LRP1B: variants seen among roughly 807,000 people sequenced by gnomAD.
LRP1B encodes the protein low-density lipoprotein receptor-related protein 1B.
Under a neutral mutation model 556.6 loss-of-function variants are expected in LRP1B, and 217 were observed. The observed-to-expected ratio is 0.39, with a 90% CI of 0.35 to 0.44. LRP1B has a LOEUF of 0.44. Ranked by LOEUF, LRP1B falls within the 20% of genes least tolerant of loss-of-function variation. LRP1B has a pLI of 1.00. For synonymous variants in LRP1B, 2,047 were observed against 1,865.8 expected, an observed-to-expected ratio of 1.10 and a Z score of -2.50; for missense variants, 5,053 against 5,620.8, an observed-to-expected ratio of 0.90 and a Z score of 3.23.
At chr2:140,499,765 GT>G in intron 55 of LRP1B, among the ~76,000 whole-genome samples, 1 of 151,968 alleles carries the variant, frequency 6.6e-6, no homozygotes, top group African/African-American at 2.4e-5. Flanking sequence ...ATTTAAAAAT[GT>G]TTAGAAAAGG....
At chr2:140,617,017 T>C (rs1202899504) in intron 41 of LRP1B, among the ~76,000 whole-genome samples, 1 of 151,944 alleles carries the variant, frequency 6.6e-6, no homozygotes, top group East Asian at 1.9e-4. Context: ...CATGTGCTAA[T>C]TCCAATTTAC....
intron 3 of LRP1B, among the ~76,000 whole-genome samples, chr2:141,274,595 T>C (rs139671173): frequency 6.6e-6 from 1 of 152,202 alleles, no homozygotes; most frequent in South Asian, 2.1e-4. Flanking sequence ...ATGGCTATTT[T>C]TGGCATAATG....
chr2:141,754,731 C>T (rs896893686), intron 2 of LRP1B, among the ~76,000 whole-genome samples: 5 of 152,040 alleles, frequency 3.3e-5, no homozygotes, highest in South Asian at 2.1e-4. Flanking sequence ...TTGGACTAGA[C>T]GAAAATGTCA....
At position 140,465,484 on chromosome 2, in the gene LRP1B, A is replaced by G. The variant is rs78090419; in HGVS notation, c.9626-7833T>C. Reference sequence around the variant, plus strand: ...TGTTAGAGAATCACTGAATGAATAGAAGCCCTATTCTATGAATAAGAACAA... The same window carrying G: ...TGTTAGAGAATCACTGAATGAATAGGAGCCCTATTCTATGAATAAGAACAA... On this transcript the variant is annotated intron_variant, in intron 60 of 90. Coordinates refer to ENST00000389484, the MANE Select transcript of LRP1B (RefSeq NM_018557.3). 3.5e-3 allele frequency among the ~76,000 whole-genome samples: 533 copies of G among 152,316 alleles called. 8 individuals are homozygous for G. Among genetic ancestry groups the G allele is most frequent in the African/African-American group, 0.012 (494 of 41,552 alleles).
chr2:141,037,905 AACACAC>A (rs3061748), intron 11 of LRP1B, among the ~76,000 whole-genome samples: 2 of 150,898 alleles, frequency 1.3e-5, no homozygotes, highest in Non-Finnish European at 3.0e-5. Context: ...CTCACATACA[AACACAC>A]ACACACACAT....
chr2:141,582,613 AT>A (rs5834845), intron 2 of LRP1B, among the ~76,000 whole-genome samples: 54,115 of 149,322 alleles, frequency 0.36, 11,130 homozygotes, highest in Non-Finnish European at 0.47. Flanking sequence ...GTATTTGAAG[AT>A]TTTTTTTTTT....
chr2:141,340,582 A>G lies in LRP1B; in HGVS notation c.344-85941T>C, dbSNP rs538100068. On this transcript the variant is annotated intron_variant, in intron 3 of 90. Coordinates refer to ENST00000389484, the MANE Select transcript of LRP1B (RefSeq NM_018557.3). ...ATACATACCATTACAAATGTTCTAA[A>G]AGGTTTCATGTAGTACTTCACTAAT... Among the ~76,000 whole-genome samples, 16 of 152,300 alleles carry G rather than the reference A, an allele frequency of 1.1e-4. No individual in the cohort carries two copies. The South Asian group carries it at 3.1e-3, about 30-fold the overall frequency.
chr2:140,708,019 G>C (rs1686901551), intron 37 of LRP1B, among the ~76,000 whole-genome samples: 1 of 152,010 alleles, frequency 6.6e-6, no homozygotes, highest in South Asian at 2.1e-4. Flanking sequence ...ACTTCATTAG[G>C]TATCTATTAT....
At chr2:140,422,259 T>C (rs548844162) in intron 66 of LRP1B, among the ~76,000 whole-genome samples, 1 of 152,174 alleles carries the variant, frequency 6.6e-6, no homozygotes, top group Admixed American at 6.5e-5. Context: ...ACACCGAAAA[T>C]CTGGTAGAAT....
chr2:140,536,096 A>G (rs994327495), intron 46 of LRP1B, among the ~76,000 whole-genome samples: 1 of 152,062 alleles, frequency 6.6e-6, no homozygotes, highest in East Asian at 1.9e-4. Flanking sequence ...CCTAAAACCT[A>G]TTGCTAAAGA....
chr2:140,324,136 C>T (rs1680323253), intron 80 of LRP1B, 70 bp from the exon 81 acceptor site: 4 of 933,878 alleles, frequency 4.3e-6, no homozygotes, highest in East Asian at 2.4e-5. Flanking sequence ...TATGTTTATC[C>T]AAGACGATAT....
intron 2 of LRP1B, among the ~76,000 whole-genome samples, chr2:141,544,516 A>C (rs1685483777): frequency 6.6e-6 from 1 of 150,568 alleles, no homozygotes; most frequent in African/African-American, 2.4e-5. Flanking sequence ...CCTGGCCTCA[A>C]GTGATCCTCC....
At chr2:141,078,635 GAGAAAT>G (rs1023902857) in intron 7 of LRP1B, among the ~76,000 whole-genome samples, 1 of 109,818 alleles carries the variant, frequency 9.1e-6, no homozygotes, top group African/African-American at 3.2e-5. Context: ...GAAAGAGAAA[GAGAAAT>G]GAAGCAAGCA....
chr2:140,409,445 C>T (rs140795048), intron 66 of LRP1B, among the ~76,000 whole-genome samples: 3 of 151,882 alleles, frequency 2.0e-5, no homozygotes, highest in South Asian at 2.1e-4. Context: ...GTAACAAGTT[C>T]GTCCACCATT....
chr2:140,251,543 C>T (rs547843205), intron 86 of LRP1B, among the ~76,000 whole-genome samples: 1 of 151,790 alleles, frequency 6.6e-6, no homozygotes, highest in Non-Finnish European at 1.5e-5. Flanking sequence ...ATTCTTCTGA[C>T]CACAGTGAAA....
chr2:140,777,330 G>C (rs1457751411), intron 32 of LRP1B, among the ~76,000 whole-genome samples: 2 of 152,196 alleles, frequency 1.3e-5, no homozygotes, highest in East Asian at 1.9e-4. Flanking sequence ...ACTAGCCACA[G>C]CTCTTTTCTA....
At chr2:140,498,139 A>T (rs1196230778) in intron 55 of LRP1B, among the ~76,000 whole-genome samples, 2 of 151,918 alleles carry the variant, frequency 1.3e-5, no homozygotes, top group Admixed American at 1.3e-4. Flanking sequence ...GTTCTCTTTC[A>T]CTTAAAAAAG....
chr2:142,130,695 G>A lies in LRP1B; in HGVS notation c.35C>T (p.Ser12Leu), dbSNP rs765975433. The change falls in exon 1 of 91, where the codon TCG (serine) becomes TTG (leucine). Residue 12 changes from serine to leucine, a missense_variant. This residue lies in a region of LRP1B where 3,619 missense variants were observed against 3,931.9 expected (regional missense o/e 0.92). Coordinates refer to ENST00000389484, the MANE Select transcript of LRP1B (RefSeq NM_018557.3). ...SEFLLALLTL[S>L]GLLPIARVLT... The stretch of plus-strand genomic sequence containing the variant: ...CACCCTGGCAATCGGCAATAATCCC[G>A]AGAGAGTGAGTAAGGCGAGGAGAAA... The A allele has an allele frequency of 6.2e-7, 1 of 1,613,604 alleles. No homozygotes were observed. Among genetic ancestry groups the A allele is most frequent in the East Asian group, 2.2e-5 (1 of 44,830 alleles).
intron 22 of LRP1B, among the ~76,000 whole-genome samples, chr2:140,904,294 T>C (rs931944806): frequency 1.1e-4 from 16 of 152,130 alleles, no homozygotes; most frequent in African/African-American, 3.4e-4. Flanking sequence ...TCTACCACTG[T>C]GTACCATTAG....
Sources: gnomAD v4.1 joint callset for allele counts (sites outside exome capture counted in the v4.1 genomes callset) on GRCh38, gnomAD v4.1.1 for gene constraint, gnomAD v4.1.1 regional missense constraint, MANE v1.5 for transcripts, NCBI Gene and HGNC (gene_info 2026-07-23, HGNC 2026-07-21) for gene names.